Variants in RBFOX1 observed in about 807,000 individuals in gnomAD.
RBFOX1 encodes the protein RNA binding protein fox-1 homolog 1.
A neutral mutation model predicts 57.7 loss-of-function variants in RBFOX1; 8 were observed. That is an observed-to-expected ratio of 0.14 (90% CI 0.08 to 0.25). The LOEUF (loss-of-function observed/expected upper bound fraction) is 0.25. Among genes scored for constraint, RBFOX1 ranks in the 10% least tolerant of loss-of-function variants. RBFOX1 has a pLI of 1.00. For missense variants in RBFOX1, 611 were observed against 548.5 expected (o/e 1.11, Z -1.14); for synonymous variants, 326 against 222.4 (o/e 1.47, Z -4.15).
chr16:6,610,740 A>T (rs1007838697), intron 2 of RBFOX1, among the ~76,000 whole-genome samples: 15 of 152,204 alleles, frequency 9.9e-5, no homozygotes, highest in African/African-American at 3.6e-4. Context: ...CTTCCGCCAA[A>T]CAATCACTAC....
chr16:5,893,584 A>G (rs2058093818), intron 4 of RBFOX1, among the ~76,000 whole-genome samples: 1 of 152,158 alleles, frequency 6.6e-6, no homozygotes, highest in East Asian at 1.9e-4. Flanking sequence ...AGGCGGGTGG[A>G]TCACCTGAGG....
intron 3 of RBFOX1, among the ~76,000 whole-genome samples, chr16:5,830,864 C>T (rs2056241704): frequency 1.3e-5 from 2 of 152,244 alleles, no homozygotes; most frequent in Admixed American, 1.3e-4. Context: ...CTCTGCCTAC[C>T]ATGCATAGAA....
rs150316563 is a variant in RBFOX1 at position 5,333,738 on chromosome 16, C to G, written c.219+93633C>G. ...TGGTATAGTCTGCTACACACCTAGG[C>G]TATATTATGGTGTACTTATCACTCC... On this transcript the variant is annotated intron_variant, in intron 1 of 2. Transcript: ENST00000585867. Among the ~76,000 whole-genome samples, 656 of 152,292 alleles carry G rather than the reference C, an allele frequency of 4.3e-3. 3 individuals carry two copies. Among genetic ancestry groups the G allele is most frequent in the African/African-American group, 0.015 (614 of 41,554 alleles).
intron 4 of RBFOX1, among the ~76,000 whole-genome samples, chr16:5,931,034 T>G (rs2059044486): frequency 6.6e-6 from 1 of 151,966 alleles, no homozygotes; most frequent in South Asian, 2.1e-4. Flanking sequence ...AGATGAGAAG[T>G]AAACTTATTT....
intron 1 of RBFOX1, among the ~76,000 whole-genome samples, chr16:5,297,337 A>G (rs906687141): frequency 2.6e-5 from 4 of 152,172 alleles, no homozygotes; most frequent in African/African-American, 9.7e-5. Context: ...TATTTTCCAT[A>G]ATGGCTGTAC....
At chr16:7,286,445 C>CTTTTTT (rs1555669859) in intron 4 of RBFOX1, among the ~76,000 whole-genome samples, 1 of 143,692 alleles carries the variant, frequency 7.0e-6, no homozygotes, top group African/African-American at 2.6e-5. Flanking sequence ...TTGATACTTT[C>CTTTTTT]TTATTTTTTT....
At chr16:7,049,355 C>T (rs189487172) in intron 3 of RBFOX1, among the ~76,000 whole-genome samples, 1 of 152,144 alleles carries the variant, frequency 6.6e-6, no homozygotes, top group Non-Finnish European at 1.5e-5. Context: ...TGTTAAGTGT[C>T]TGCAGCCACC....
At chr16:6,842,069 G>A (rs2141503924) in intron 3 of RBFOX1, among the ~76,000 whole-genome samples, 1 of 151,990 alleles carries the variant, frequency 6.6e-6, no homozygotes, top group East Asian at 1.9e-4. Context: ...CGTGAACCCG[G>A]GAGGCGGAAC....
chr16:6,924,212 A>G (rs9889203), intron 3 of RBFOX1, among the ~76,000 whole-genome samples: 105,936 of 151,524 alleles, frequency 0.7, 37,106 homozygotes, highest in Non-Finnish European at 0.71. Flanking sequence ...TGCCACCTGA[A>G]ACTGGGTAAT....
chr16:6,868,832 C>T (rs532346278), intron 3 of RBFOX1, among the ~76,000 whole-genome samples: 2 of 152,136 alleles, frequency 1.3e-5, no homozygotes, highest in African/African-American at 2.4e-5. Flanking sequence ...ATGGGCTTTG[C>T]CATATGACTT....
intron 14 of RBFOX1, among the ~76,000 whole-genome samples, chr16:7,682,473 G>T (rs758958989): frequency 7.5e-6 from 1 of 133,720 alleles, no homozygotes; most frequent in Non-Finnish European, 1.7e-5. Flanking sequence ...GAATCAATAC[G>T]TGGCAAATAA....
chr16:7,465,844 A>G (rs1440122550), intron 4 of RBFOX1, among the ~76,000 whole-genome samples: 1 of 152,182 alleles, frequency 6.6e-6, no homozygotes, highest in East Asian at 1.9e-4. Flanking sequence ...GGAATAACTG[A>G]TGTCGAGTGT....
chr16:7,266,519 A>C (rs73555981), intron 4 of RBFOX1, among the ~76,000 whole-genome samples: 13 of 152,172 alleles, frequency 8.5e-5, no homozygotes, highest in Admixed American at 5.9e-4. Context: ...TCTTTACAGC[A>C]ATGCAAGAAC....
intron 4 of RBFOX1, among the ~76,000 whole-genome samples, chr16:7,115,074 C>G (rs890024830): frequency 6.6e-6 from 1 of 152,168 alleles, no homozygotes; most frequent in Non-Finnish European, 1.5e-5. Flanking sequence ...GAAAAATATT[C>G]CAAAGCCTTT....
intron 4 of RBFOX1, among the ~76,000 whole-genome samples, chr16:7,246,844 G>C (rs953714208): frequency 3.3e-5 from 5 of 152,038 alleles, no homozygotes; most frequent in African/African-American, 1.2e-4. Flanking sequence ...CAGCATAAAG[G>C]CTTCAGAGTC....
At chr16:5,866,458 G>A (rs543567838) in intron 3 of RBFOX1, among the ~76,000 whole-genome samples, 2 of 152,196 alleles carry the variant, frequency 1.3e-5, no homozygotes, top group African/African-American at 4.8e-5. Context: ...GCTGAGGTTG[G>A]CCAAGTCATC....
At chr16:6,216,117 C>G (rs1462718744) in intron 1 of RBFOX1, among the ~76,000 whole-genome samples, 1 of 151,960 alleles carries the variant, frequency 6.6e-6, no homozygotes, top group Non-Finnish European at 1.5e-5. Flanking sequence ...TAACGCACAC[C>G]GGGGCCTTTT....
At chr16:7,395,429 C>A (rs549960887) in intron 4 of RBFOX1, among the ~76,000 whole-genome samples, 1 of 152,192 alleles carries the variant, frequency 6.6e-6, no homozygotes, top group Non-Finnish European at 1.5e-5. Flanking sequence ...AGGGTATTAA[C>A]TGTGGAGCCA....
intron 4 of RBFOX1, among the ~76,000 whole-genome samples, chr16:7,081,372 T>C (rs149864825): frequency 6.6e-6 from 1 of 152,314 alleles, no homozygotes; most frequent in Non-Finnish European, 1.5e-5. Flanking sequence ...ATGGTAATAG[T>C]GTTCATTCTA....
Sources: gnomAD v4.1 joint callset for allele counts (sites outside exome capture counted in the v4.1 genomes callset) on GRCh38, gnomAD v4.1.1 for gene constraint, MANE v1.5 for transcripts, NCBI Gene and HGNC (gene_info 2026-07-23, HGNC 2026-07-21) for gene names.